The following RAPGEF5 variants were observed in gnomAD, a reference collection of about 807,000 sequenced individuals.
RAPGEF5 encodes the protein Rap guanine nucleotide exchange factor 5.
Under a neutral mutation model 125.2 loss-of-function variants are expected in RAPGEF5, and 65 were observed. The observed-to-expected ratio is 0.52, with a 90% CI of 0.43 to 0.64. RAPGEF5 has a LOEUF of 0.64. Ranked by LOEUF, RAPGEF5 falls within the 30% of genes least tolerant of loss-of-function variation. RAPGEF5 has a pLI of 0.00. For missense variants in RAPGEF5, 958 were observed against 1,048.1 expected (o/e 0.91, Z 1.19); for synonymous variants, 391 against 385.9 (o/e 1.01, Z -0.16).
intron 11 of RAPGEF5, 60 bp downstream of exon 11, chr7:22,193,307 G>A: frequency 1.3e-6 from 2 of 1,511,888 alleles, no homozygotes; most frequent in Non-Finnish European, 1.8e-6. Context: ...TGCCCCTGAG[G>A]GTACTGACAA....
chr7:22,249,753 A>C (rs1786571356), intron 7 of RAPGEF5, among the ~76,000 whole-genome samples: 1 of 152,302 alleles, frequency 6.6e-6, no homozygotes, highest in African/African-American at 2.4e-5. Context: ...CACCGTTTAT[A>C]AAACACCAGC....
At chr7:22,259,741 G>A (rs541285685) in intron 7 of RAPGEF5, among the ~76,000 whole-genome samples, 10 of 152,356 alleles carry the variant, frequency 6.6e-5, no homozygotes, top group South Asian at 6.2e-4. Flanking sequence ...AAAAGGCTAC[G>A]TATTGTACGA....
intron 11 of RAPGEF5, among the ~76,000 whole-genome samples, chr7:22,191,917 T>C (rs937877169): frequency 2.6e-5 from 4 of 152,238 alleles, no homozygotes; most frequent in Admixed American, 6.5e-5. Flanking sequence ...TCTTGCACTA[T>C]AGAACTGTAG....
chr7:22,145,310 G>A (rs1447574187), intron 19 of RAPGEF5, 88 bp from the exon 20 acceptor site: 2 of 1,279,620 alleles, frequency 1.6e-6, no homozygotes, highest in Non-Finnish European at 2.1e-6. Flanking sequence ...GCTACTTCAG[G>A]TAGTTCCTCC....
At chr7:22,269,227 T>G (rs912122639) in intron 6 of RAPGEF5, among the ~76,000 whole-genome samples, 1 of 149,692 alleles carries the variant, frequency 6.7e-6, no homozygotes, top group Admixed American at 6.6e-5. Flanking sequence ...TTAGTCTTCC[T>G]ACAAGACGCA....
intron 7 of RAPGEF5, among the ~76,000 whole-genome samples, chr7:22,234,874 A>G (rs1267346478): frequency 2.3e-5 from 3 of 129,406 alleles, no homozygotes; most frequent in East Asian, 4.9e-4. Flanking sequence ...TAACTCTATT[A>G]TAATAATAAT....
intron 2 of RAPGEF5, among the ~76,000 whole-genome samples, chr7:22,316,484 TATATA>T (rs1164679249): frequency 0.013 from 475 of 37,040 alleles, 6 homozygotes; most frequent in East Asian, 0.025. Flanking sequence ...TATATATATA[TATATA>T]TTTTTTTTTT....
At chr7:22,304,949 G>A (rs374807617) in intron 5 of RAPGEF5, among the ~76,000 whole-genome samples, 39 of 152,250 alleles carry the variant, frequency 2.6e-4, no homozygotes, top group African/African-American at 8.9e-4. Flanking sequence ...CAGCAGTGAT[G>A]GGAAATCCAT....
chr7:22,306,584 T>G (rs1783347344), intron 5 of RAPGEF5, among the ~76,000 whole-genome samples: 1 of 152,214 alleles, frequency 6.6e-6, no homozygotes, highest in South Asian at 2.1e-4. Flanking sequence ...TGATCCCATT[T>G]GTCCATTTTT....
intron 1 of RAPGEF5, among the ~76,000 whole-genome samples, chr7:22,327,381 A>G (rs1310977514): frequency 2.6e-5 from 4 of 152,196 alleles, no homozygotes; most frequent in Non-Finnish European, 4.4e-5. Context: ...AATCTTAAAG[A>G]TAGGATCTAT....
chr7:22,130,901 T>G (rs1049130988), intron 24 of RAPGEF5, 136 bp downstream of exon 24: 33 of 1,242,974 alleles, frequency 2.7e-5, no homozygotes, highest in Non-Finnish European at 3.5e-5. Context: ...GCTCCTTGAA[T>G]GAAGCAAATA....
At chr7:22,150,361 C>A in intron 18 of RAPGEF5, 46 bp downstream of exon 18, 1 of 1,574,490 alleles carries the variant, frequency 6.4e-7, no homozygotes, top group Non-Finnish European at 8.6e-7. Context: ...GTATGAGCCA[C>A]CTCGCCTGGC....
intron 11 of RAPGEF5, among the ~76,000 whole-genome samples, chr7:22,189,113 C>A (rs1784912903): frequency 1.4e-5 from 2 of 146,936 alleles, no homozygotes; most frequent in Non-Finnish European, 3.0e-5. Context: ...TAATGAGAAT[C>A]AGCTGGTAGG....
At chr7:22,241,422 T>G (rs7795150) in intron 7 of RAPGEF5, among the ~76,000 whole-genome samples, 52,510 of 151,932 alleles carry the variant, frequency 0.35, 10,160 homozygotes, top group African/African-American at 0.53. Flanking sequence ...CAGTCCAAGA[T>G]AAGTCCAGGA....
Position 22,240,316 on chromosome 7 carries a change from G to T in RAPGEF5, c.797-9397C>A, listed in dbSNP as rs529727786. Among the ~76,000 whole-genome samples the T allele has an allele frequency of 1.2e-4, 18 of 146,600 alleles. No homozygotes were observed. In the East Asian group the frequency reaches 3.4e-3, roughly 28 times the overall value. ...AAAATCAAGTTAACCTTAGCAACAG[G>T]TTTGGGTTTTTTTTTTTTCAATATT... On this transcript the variant is annotated intron_variant, in intron 7 of 25. Transcript: ENST00000665637.
chr7:22,268,117 C>T (rs1305732243), intron 6 of RAPGEF5, among the ~76,000 whole-genome samples: 1 of 152,156 alleles, frequency 6.6e-6, no homozygotes, highest in Non-Finnish European at 1.5e-5. Context: ...GCTGCACTTT[C>T]CCTGATGGGC....
intron 5 of RAPGEF5, among the ~76,000 whole-genome samples, chr7:22,291,905 G>GA (rs1467636360): frequency 2.0e-5 from 3 of 152,078 alleles, no homozygotes; most frequent in Non-Finnish European, 4.4e-5. Context: ...CTTAATTCAT[G>GA]AAAAAAGACT....
At position 22,318,056 on chromosome 7, in the gene RAPGEF5, A is replaced by T; in HGVS notation, c.232-19T>A. ...ATAGAGTCTATTTTAAACAAAGAAA[A>T]AAAAAATAGTTAGAACCAAATAAAC... On this transcript the variant is annotated intron_variant, in intron 1 of 25. Coordinates refer to ENST00000665637, the MANE Select transcript of RAPGEF5 (RefSeq NM_012294.5). 1 of 1,521,042 alleles carries T rather than the reference A, an allele frequency of 6.6e-7. No homozygotes were observed. Among genetic ancestry groups the T allele is most frequent in the Non-Finnish European group, 8.8e-7 (1 of 1,139,126 alleles). 94.2% of individuals were successfully genotyped at this position (1,521,042 alleles called of 1,614,324 possible).
At position 22,162,501 on chromosome 7, in the gene RAPGEF5, C is replaced by T; in HGVS notation, c.1324G>A (p.Asp442Asn). The change falls in exon 13 of 26, where the codon GAC becomes AAC. Residue 442 changes from aspartate (D) to asparagine (N), a missense_variant. By Grantham distance (23) the Asp-to-Asn change is conservative. Coordinates refer to ENST00000665637, the MANE Select transcript of RAPGEF5 (RefSeq NM_012294.5). ...KKYQGKEENS[D>N]VPRRKRKVLH... The stretch of plus-strand genomic sequence containing the variant: ...ACTTTACGTTTCCTACGCGGAACGT[C>T]TGAGTTTTCCTCTTTGCCTTGATAC... The T allele has an allele frequency of 6.2e-7, 1 of 1,609,478 alleles. No homozygotes were observed. Among genetic ancestry groups the T allele is most frequent in the South Asian group, 1.1e-5 (1 of 90,980 alleles).
Sources: gnomAD v4.1 joint callset for allele counts (sites outside exome capture counted in the v4.1 genomes callset) on GRCh38, gnomAD v4.1.1 for gene constraint, MANE v1.5 for transcripts, NCBI Gene and HGNC (gene_info 2026-07-23, HGNC 2026-07-21) for gene names.